Variants in KLK10 observed in about 807,000 individuals in gnomAD.
KLK10 encodes the protein kallikrein related peptidase 10.
In KLK10, 27 loss-of-function variants were observed where a neutral mutation model predicts 25.7. The observed-to-expected ratio is 1.05, with a 90% confidence interval of 0.77 to 1.45. The LOEUF is 1.45. KLK10 is among the 40% of genes most tolerant of loss of function. KLK10 has a pLI of 0.00. For missense variants in KLK10, 386 were observed against 370.0 expected, an observed-to-expected ratio of 1.04 and a Z score of -0.35; for synonymous variants, 173 against 160.1, an observed-to-expected ratio of 1.08 and a Z score of -0.61.
chr19:51,016,496 C>T (rs1176227433), intron 3 of KLK10, among the ~76,000 whole-genome samples: 12 of 151,826 alleles, frequency 7.9e-5, no homozygotes, highest in African/African-American at 2.2e-4. Flanking sequence ...CAGGTTCAAG[C>T]AGTTCTCCTG....
chr19:51,016,097 C>A lies in KLK10; in HGVS notation c.329G>T (p.Arg110Leu), dbSNP rs781235008. The change falls in exon 4 of 6, where the codon CGC becomes CTC. Residue 110 changes from arginine to leucine, a missense_variant. By Grantham distance (102) the Arg-to-Leu change is moderately radical. Coordinates refer to ENST00000358789, the MANE Select transcript of KLK10 (RefSeq NM_145888.3). ...HLLLLQGEQL[R>L]RTTRSVVHPK... Reference sequence around the variant, plus strand: ...ATGGACAACAGAGCGAGTGGTCCGGCGGAGCTGCTCTCCCTGAAGAAGCAG... The same window carrying A: ...ATGGACAACAGAGCGAGTGGTCCGGAGGAGCTGCTCTCCCTGAAGAAGCAG... 2 of 1,578,802 alleles carry A rather than the reference C, an allele frequency of 1.3e-6. No homozygotes were observed. Among genetic ancestry groups the A allele is most frequent in the Non-Finnish European group, 8.6e-7 (1 of 1,162,520 alleles).
chr19:51,015,462 G>T lies in KLK10; in HGVS notation c.633C>A (p.Asn211Lys). The T allele has an allele frequency of 6.2e-7, 1 of 1,613,900 alleles. No individual in the cohort carries two copies. The highest frequency in any genetic ancestry group is 1.1e-5 in the South Asian group (1 of 91,072). ...GGTCCAGTCCAGCACATATCATGTT[G>T]TTGGTGACCACGCCAGGGTAGAAGA... ...CEVFYPGVVT[N>K]NMICAGLDRG... Residue 211 changes from asparagine to lysine, a missense_variant, in exon 5 of 6, where the codon AAC becomes AAA. Asn to Lys is a moderately conservative substitution (Grantham distance 94). Coordinates refer to ENST00000358789, the MANE Select transcript of KLK10 (RefSeq NM_145888.3).
chr19:51,016,704 C>T (rs904717302), intron 3 of KLK10, among the ~76,000 whole-genome samples: 2 of 151,476 alleles, frequency 1.3e-5, no homozygotes, highest in Admixed American at 6.6e-5. Context: ...TCCCAAAGTG[C>T]TGGGATTACA....
intron 2 of KLK10, 36 bp from the exon 3 acceptor site, chr19:51,017,326 G>A (rs1349918868): frequency 1.3e-6 from 2 of 1,561,648 alleles, no homozygotes; most frequent in Non-Finnish European, 8.6e-7. Flanking sequence ...AAAGCACGGA[G>A]GGCAGGGTCT....
chr19:51,017,427 G>T (rs913065895), intron 2 of KLK10, 137 bp from the exon 3 acceptor site: 2 of 763,068 alleles, frequency 2.6e-6, no homozygotes, highest in Non-Finnish European at 4.1e-6. Flanking sequence ...GAAATATTGG[G>T]GGTTTCGCGT....
intron 3 of KLK10, 87 bp downstream of exon 3, chr19:51,017,023 T>C: frequency 7.6e-7 from 1 of 1,315,884 alleles, no homozygotes; most frequent in Non-Finnish European, 1.0e-6. Context: ...GCTGTGGGAG[T>C]TCCGAGAGAC....
intron 2 of KLK10, among the ~76,000 whole-genome samples, 193 bp from the exon 3 acceptor site, chr19:51,017,483 A>G (rs2091345672): frequency 6.6e-6 from 1 of 151,946 alleles, no homozygotes; most frequent in South Asian, 2.1e-4. Flanking sequence ...AAGTGGAAGG[A>G]AGCTGGGATA....
intron 3 of KLK10, among the ~76,000 whole-genome samples, chr19:51,016,442 A>T (rs1282175969): frequency 6.6e-6 from 1 of 151,912 alleles, no homozygotes; most frequent in Non-Finnish European, 1.5e-5. Flanking sequence ...CACCCAGGCT[A>T]GAATGCAATG....
chr19:51,016,142 C>T lies in KLK10; in HGVS notation c.284G>A (p.Arg95Gln), dbSNP rs751804739. Reference protein sequence around the residue: ...AHCGNKPLWARVGDDHLLLLQ... With the variant: ...AHCGNKPLWAQVGDDHLLLLQ... ...AAGCAGCAGGTGGTCATCCCCTACT[C>T]GAGCCCACAGTGGCCTGGGGGAAGG... The change falls in exon 4 of 6, where the codon CGA (arginine) becomes CAA (glutamine). Residue 95 changes from arginine to glutamine, a missense_variant. Arg to Gln is a conservative substitution (Grantham distance 43). Transcript: ENST00000358789. The T allele has an allele frequency of 2.6e-5, 41 of 1,584,720 alleles. No homozygotes were observed. The highest frequency in any genetic ancestry group is 2.2e-4 in the African/African-American group (16 of 74,346).
Position 51,014,713 on chromosome 19 carries a change from G to C in KLK10, c.*87C>G. 1 of 1,412,228 alleles carries C rather than the reference G, an allele frequency of 7.1e-7. No individual in the cohort carries two copies. Among genetic ancestry groups the C allele is most frequent in the Non-Finnish European group, 9.9e-7 (1 of 1,012,262 alleles). The allele number at this position is 1,412,228 out of a possible 1,614,324, so 87.5% of individuals were successfully genotyped here. A position where few individuals can be genotyped will look rare whatever the true frequency, so the allele number is the denominator to read the frequency against. On this transcript the variant is annotated 3_prime_UTR_variant, in exon 6 of 6. Transcript: ENST00000358789. ...GACAAGGGGAGAGTTCAGCCGACTG[G>C]GGAGGAAGAGGATGGACGATGGAGC... is the stretch of plus-strand genomic sequence containing the variant.
chr19:51,018,850 G>A, intron 2 of KLK10, 193 bp downstream of exon 2: 1 of 597,174 alleles, frequency 1.7e-6, no homozygotes, highest in South Asian at 2.0e-5. Context: ...GGGCCTGAGT[G>A]GGGCGGGTCA....
chr19:51,017,992 C>T (rs1422422335), intron 2 of KLK10, among the ~76,000 whole-genome samples: 6 of 99,000 alleles, frequency 6.1e-5, no homozygotes, highest in African/African-American at 2.3e-4. Flanking sequence ...CAGAGTGAGA[C>T]CCTGTCTCAA....
In KLK10 at chr19:51,014,685, G is replaced by T; in HGVS notation, c.*115C>A. On this transcript the variant is annotated 3_prime_UTR_variant, in exon 6 of 6. Transcript: ENST00000358789. ...GGAGGGCGGCAGAGGTTTGAACAGT[G>T]CAGACAAGGGGAGAGTTCAGCCGAC... 1 of 1,054,900 alleles carries T rather than the reference G, an allele frequency of 9.5e-7. No homozygotes were observed. The highest frequency in any genetic ancestry group is 1.4e-6 in the Non-Finnish European group (1 of 697,386). The allele number at this position is 1,054,900 out of a possible 1,614,324, so 65.3% of individuals were successfully genotyped here.
intron 5 of KLK10, among the ~76,000 whole-genome samples, chr19:51,015,199 G>A (rs1004824660): frequency 5.9e-5 from 9 of 151,888 alleles, no homozygotes; most frequent in Non-Finnish European, 1.0e-4. Flanking sequence ...CATGGAAGGT[G>A]AGGGGATGAA....
Position 51,019,178 on chromosome 19 carries a change from T to C in KLK10, c.-9-39A>G. The stretch of plus-strand genomic sequence containing the variant: ...TGCAGGGGCGGGTTAAAACAGATGC[T>C]CCGTTAGAGACCCCCACCTCGCCGC... On this transcript the variant is annotated intron_variant, in intron 1 of 5. Transcript: ENST00000358789. This position sits in a 1 kb window ranked among gnomAD's most constrained non-coding sequence, Gnocchi z 4.2. 1 of 1,397,850 alleles carries C rather than the reference T, an allele frequency of 7.2e-7. No individual in the cohort carries two copies. The highest frequency in any genetic ancestry group is 9.9e-7 in the Non-Finnish European group (1 of 1,013,016). The allele number at this position is 1,397,850 out of a possible 1,614,324, so 86.6% of individuals were successfully genotyped here. A position where few individuals can be genotyped will look rare whatever the true frequency, so the allele number is the denominator to read the frequency against.
At chr19:51,016,236 A>C (rs904975542) in intron 3 of KLK10, 80 bp from the exon 4 acceptor site, 1 of 1,423,258 alleles carries the variant, frequency 7.0e-7, no homozygotes, top group Non-Finnish European at 9.3e-7. Flanking sequence ...CAGGGCCTGG[A>C]GATAGGAAGA....
At position 51,014,580 on chromosome 19, in the gene KLK10, T is replaced by C; in HGVS notation, c.*220A>G. On this transcript the variant is annotated 3_prime_UTR_variant, in exon 6 of 6. Coordinates refer to ENST00000358789, the MANE Select transcript of KLK10 (RefSeq NM_145888.3). ...TCTGGAATAAACCTTTGCCACCACTTCCTGCATTTCAGCTTCAGTACAGGC... is the reference window on the plus strand; with the variant it reads ...TCTGGAATAAACCTTTGCCACCACTCCCTGCATTTCAGCTTCAGTACAGGC... 2.4e-6 allele frequency: 1 copy of C among 415,914 alleles called. No individual in the cohort carries two copies. Among genetic ancestry groups the C allele is most frequent in the Non-Finnish European group, 4.3e-6 (1 of 231,950 alleles). The allele number at this position is 415,914 out of a possible 1,614,324, so 25.8% of individuals were successfully genotyped here.
At chr19:51,018,665 C>G (rs2091368841) in intron 2 of KLK10, 1 of 233,122 alleles carries the variant, frequency 4.3e-6, no homozygotes, top group Admixed American at 5.2e-5. Flanking sequence ...GATCGCGTCA[C>G]TGCACTCCAG....
In KLK10 at chr19:51,016,131, C is replaced by T. The variant is rs2122432374; in HGVS notation, c.295G>A (p.Asp99Asn). 2 of 1,587,578 alleles carry T rather than the reference C, an allele frequency of 1.3e-6. No homozygotes were observed. The highest frequency in any genetic ancestry group is 8.6e-7 in the Non-Finnish European group (1 of 1,167,132). Residue 99 changes from aspartate (D) to asparagine (N), a missense_variant, in exon 4 of 6, where the codon GAC (aspartate) becomes AAC (asparagine). Transcript: ENST00000358789. Reference protein sequence around the residue: ...NKPLWARVGDDHLLLLQGEQL... With the variant: ...NKPLWARVGDNHLLLLQGEQL... ...TCTCCCTGAAGAAGCAGCAGGTGGTCATCCCCTACTCGAGCCCACAGTGGC... is the reference window on the plus strand; with the variant it reads ...TCTCCCTGAAGAAGCAGCAGGTGGTTATCCCCTACTCGAGCCCACAGTGGC...
Sources: gnomAD v4.1 joint callset for allele counts (sites outside exome capture counted in the v4.1 genomes callset) on GRCh38, gnomAD v4.1.1 for gene constraint, Gnocchi (gnomAD v3.1) non-coding constraint, MANE v1.5 for transcripts, NCBI Gene and HGNC (gene_info 2026-07-23, HGNC 2026-07-21) for gene names.